The following HS6ST1 variants were observed in gnomAD, a reference collection of about 807,000 sequenced individuals.
HS6ST1 encodes the protein heparan sulfate 6-O-sulfotransferase 1.
In HS6ST1, 3 loss-of-function variants were observed where a neutral mutation model predicts 25.2. The ratio of observed to expected loss-of-function variants is 0.12; its 90% CI spans 0.05 to 0.31. HS6ST1 has a LOEUF of 0.31. Among genes scored for constraint, HS6ST1 ranks in the 10% least tolerant of loss-of-function variants. The pLI is 1.00. For missense variants in HS6ST1, 310 were observed against 609.6 expected (o/e 0.51, Z 5.18); for synonymous variants, 204 against 275.1 (o/e 0.74, Z 2.56).
chr2:128,309,143 T>C (rs840872), intron 1 of HS6ST1, among the ~76,000 whole-genome samples: 140,381 of 152,272 alleles, frequency 0.92, 64,892 homozygotes, highest in East Asian at 1. Flanking sequence ...TCCCGGGGTT[T>C]CCCAGCCCCG....
intron 1 of HS6ST1, among the ~76,000 whole-genome samples, chr2:128,310,252 C>T (rs840874): frequency 1.3e-5 from 2 of 152,036 alleles, no homozygotes; most frequent in Non-Finnish European, 2.9e-5. Flanking sequence ...GGACCCAAGA[C>T]CTCCCGAGGT....
rs2104908098 is a variant in HS6ST1, at chr2:128,267,995, C to A, written c.*167G>T. On this transcript the variant is annotated 3_prime_UTR_variant, in exon 2 of 2. Coordinates refer to ENST00000259241, the MANE Select transcript of HS6ST1 (RefSeq NM_004807.3). ...ACCTGTTGATTTCTCAAGCCCCCAT[C>A]CCTGCCCAGCCCCACTACATCCCTG... The A allele has an allele frequency of 3.1e-6, 2 of 635,420 alleles. No individual in the cohort carries two copies. The highest frequency in any genetic ancestry group is 2.7e-5 in the East Asian group (1 of 36,630). The allele number at this position is 635,420 out of a possible 1,614,324, so 39.4% of individuals were successfully genotyped here.
intron 1 of HS6ST1, among the ~76,000 whole-genome samples, chr2:128,292,912 G>A (rs1020976289): frequency 3.9e-5 from 6 of 152,064 alleles, no homozygotes; most frequent in Non-Finnish European, 8.8e-5. Context: ...AGCGGTCGGG[G>A]AGAGCCTAGG....
chr2:128,268,507 C>T lies in HS6ST1; in HGVS notation c.891G>A (p.Gln297=). 2 of 1,609,500 alleles carry T rather than the reference C, an allele frequency of 1.2e-6. No individual in the cohort carries two copies. The highest frequency in any genetic ancestry group is 1.7e-6 in the Non-Finnish European group (2 of 1,178,032). The change falls in exon 2 of 2, where the codon CAG becomes CAA. Residue 297 remains glutamine, a synonymous_variant. Transcript: ENST00000259241. Reference sequence around the variant, plus strand: ...GCTCGAACAGGTACTGCGTCTTGCGCTGGAACTCGGTCAGGCCGAAGAAGG... The same window carrying T: ...GCTCGAACAGGTACTGCGTCTTGCGTTGGAACTCGGTCAGGCCGAAGAAGG... ...GMAFFGLTEF[Q]RKTQYLFERT... is the part of the protein sequence containing the mutation.
chr2:128,272,578 C>A (rs1402707072), intron 1 of HS6ST1, among the ~76,000 whole-genome samples: 2 of 152,160 alleles, frequency 1.3e-5, no homozygotes, highest in Non-Finnish European at 2.9e-5. Context: ...GGAACAAAGG[C>A]CTCTCTGCCT....
chr2:128,270,014 G>C (rs1398254453), intron 1 of HS6ST1, among the ~76,000 whole-genome samples: 1 of 152,222 alleles, frequency 6.6e-6, no homozygotes, highest in Non-Finnish European at 1.5e-5. Context: ...CACAGTGCCT[G>C]GCAAGTGGTG....
intron 1 of HS6ST1, among the ~76,000 whole-genome samples, chr2:128,311,783 G>C (rs1694293125): frequency 6.6e-6 from 1 of 152,104 alleles, no homozygotes; most frequent in Non-Finnish European, 1.5e-5. Flanking sequence ...ACCCACACAG[G>C]CTCACAGCAC....
chr2:128,304,110 C>G (rs962838444), intron 1 of HS6ST1, among the ~76,000 whole-genome samples: 2 of 152,206 alleles, frequency 1.3e-5, no homozygotes, highest in South Asian at 4.1e-4. Context: ...TAAGCCTGCT[C>G]GCTGGCTTCC....
chr2:128,309,506 T>A (rs840873), intron 1 of HS6ST1, among the ~76,000 whole-genome samples: 1 of 152,184 alleles, frequency 6.6e-6, no homozygotes, highest in Admixed American at 6.5e-5. Flanking sequence ...CACAGGGAGA[T>A]AACAGGCCCC....
intron 1 of HS6ST1, among the ~76,000 whole-genome samples, chr2:128,306,760 T>C (rs1462618121): frequency 4.6e-5 from 7 of 152,028 alleles, no homozygotes; most frequent in African/African-American, 1.7e-4. Context: ...CCCATGCTCC[T>C]TTCTGAGGGG....
Position 128,318,445 on chromosome 2 carries a change from A to C in HS6ST1, c.119T>G (p.Leu40Arg). The C allele has an allele frequency of 1.9e-6, 3 of 1,589,604 alleles. No homozygotes were observed. Among genetic ancestry groups the C allele is most frequent in the South Asian group, 1.1e-5 (1 of 89,854 alleles). Residue 40 changes from leucine to arginine, a missense_variant, in exon 1 of 2, where the codon CTG (leucine) becomes CGG (arginine). Around this residue, in one of 5 missense-constraint regions of HS6ST1, gnomAD observed 63 missense variants for 105.4 expected, o/e 0.60. Transcript: ENST00000259241. The surrounding 1 kb of genome is among the most constrained non-coding windows in gnomAD (Gnocchi z 5.7). ...GCGGCCGCCGGGCGCGCCCAGGCTC[A>C]GTCCTGGGCCCGCGTACTGGTACAA... is the stretch of plus-strand genomic sequence containing the variant. ...LILYQYAGPG[L>R]SLGAPGGRAP... is the part of the protein sequence containing the mutation.
intron 1 of HS6ST1, among the ~76,000 whole-genome samples, chr2:128,290,817 CAAAAAAAAAAAAA>C (rs57754041): frequency 3.3e-5 from 2 of 60,548 alleles, no homozygotes; most frequent in South Asian, 8.9e-4. Flanking sequence ...ACTAAAAATA[CAAAAAAAAAAAAA>C]AAAAAAAAAA....
At position 128,272,807 on chromosome 2, in the gene HS6ST1, C is replaced by A. The variant is rs183417880; in HGVS notation, c.528-3937G>T. On this transcript the variant is annotated intron_variant, in intron 1 of 1. Coordinates refer to ENST00000259241, the MANE Select transcript of HS6ST1 (RefSeq NM_004807.3). ...GGGAGGGTGAGCTGCTGAAGACAGA[C>A]ACTCATTTGAAAGCCATCTAAGTCC... Among the ~76,000 whole-genome samples the A allele has an allele frequency of 2.0e-4, 30 of 152,288 alleles. No individual in the cohort carries two copies. The East Asian group carries it at 5.4e-3, about 27-fold the overall frequency.
At chr2:128,288,728 G>T (rs1693905307) in intron 1 of HS6ST1, among the ~76,000 whole-genome samples, 1 of 151,738 alleles carries the variant, frequency 6.6e-6, no homozygotes, top group South Asian at 2.1e-4. Context: ...CTCACAGGAG[G>T]TAGGAGAGTC....
chr2:128,280,903 G>A (rs1693776352), intron 1 of HS6ST1, among the ~76,000 whole-genome samples: 1 of 152,260 alleles, frequency 6.6e-6, no homozygotes, highest in South Asian at 2.1e-4. Flanking sequence ...TGCAGCTGAT[G>A]GGACCTTTGG....
At chr2:128,313,143 T>C (rs1489956052) in intron 1 of HS6ST1, among the ~76,000 whole-genome samples, 3 of 152,102 alleles carry the variant, frequency 2.0e-5, no homozygotes, top group South Asian at 2.1e-4. Context: ...GGTGGGAGCA[T>C]ACCAGGAGTG....
At chr2:128,312,518 C>T (rs1238624877) in intron 1 of HS6ST1, among the ~76,000 whole-genome samples, 1 of 152,166 alleles carries the variant, frequency 6.6e-6, no homozygotes, top group Non-Finnish European at 1.5e-5. Flanking sequence ...CCGCAAAATG[C>T]CACATGGGAT....
chr2:128,285,642 C>G (rs1431610115), intron 1 of HS6ST1, among the ~76,000 whole-genome samples: 2 of 152,180 alleles, frequency 1.3e-5, no homozygotes, highest in East Asian at 3.9e-4. Context: ...GAGGAAAGGC[C>G]CGTCTGTGGC....
intron 1 of HS6ST1, among the ~76,000 whole-genome samples, chr2:128,317,536 G>A (rs1694391176): frequency 3.3e-5 from 5 of 152,310 alleles, no homozygotes; most frequent in African/African-American, 1.2e-4. Flanking sequence ...CCCCTTCCCT[G>A]GCAGCTCCCC....
Sources: gnomAD v4.1 joint callset for allele counts (sites outside exome capture counted in the v4.1 genomes callset) on GRCh38, gnomAD v4.1.1 for gene constraint, gnomAD v4.1.1 regional missense constraint, Gnocchi (gnomAD v3.1) non-coding constraint, MANE v1.5 for transcripts, NCBI Gene and HGNC (gene_info 2026-07-23, HGNC 2026-07-21) for gene names.